CDKN2C: variants seen among roughly 807,000 people sequenced by gnomAD.
The protein encoded by CDKN2C is cyclin dependent kinase inhibitor 2C.
CDKN2C carries 5 observed loss-of-function variants against 11.0 expected under a neutral mutation model. The ratio of observed to expected loss-of-function variants is 0.45; its 90% CI spans 0.24 to 0.95. CDKN2C has a LOEUF of 0.95. Among genes scored for constraint, CDKN2C ranks in the 40% least tolerant of loss-of-function variants. CDKN2C has a pLI of 0.21. For missense variants in CDKN2C, 161 were observed against 211.9 expected (o/e 0.76, Z 1.49); for synonymous variants, 79 against 88.3 (o/e 0.89, Z 0.59).
In CDKN2C at chr1:50,964,732, C is replaced by T. The variant is rs1265255046; in HGVS notation, c.-1975-3204C>T. On this transcript the variant is annotated intron_variant, in intron 1 of 3. Transcript: ENST00000262662. ...ACCTGAAATACGGGGATTATTATCA[C>T]AGTCACTTCACAGAATTGTTGTAAA... Among the ~76,000 whole-genome samples, 3 of 152,318 alleles carry T rather than the reference C, an allele frequency of 2.0e-5. No homozygotes were observed. The East Asian group carries it at 5.8e-4, about 29-fold the overall frequency.
At position 50,974,336 on chromosome 1, in the gene CDKN2C, T is replaced by C; in HGVS notation, c.*66T>C. The C allele has an allele frequency of 3.4e-6, 5 of 1,451,770 alleles. No homozygotes were observed. The highest frequency in any genetic ancestry group is 4.6e-6 in the Non-Finnish European group (5 of 1,082,216). The allele number at this position is 1,451,770 out of a possible 1,614,324, so 89.9% of individuals were successfully genotyped here. ...TTAACTGAGTAGCTCTCCTGACTTT[T>C]AATGTCATTTGTTAAAATACAGTTC... On this transcript the variant is annotated 3_prime_UTR_variant, in exon 2 of 2. Coordinates refer to ENST00000371761, the MANE Select transcript of CDKN2C (RefSeq NM_078626.3).
intron 1 of CDKN2C, among the ~76,000 whole-genome samples, chr1:50,972,444 T>C (rs1436381717): frequency 6.6e-6 from 1 of 152,090 alleles, no homozygotes; most frequent in African/African-American, 2.4e-5. Context: ...ATTTAATGTG[T>C]GATTAGATTT....
upstream of CDKN2C, chr1:50,968,883 T>A (rs1570201622): frequency 2.9e-5 from 4 of 136,692 alleles, no homozygotes; most frequent in Admixed American, 7.2e-5. Flanking sequence ...AGGGAGGGAG[T>A]GAAGGAAAAA....
Position 50,970,431 on chromosome 1 carries a change from T to C in CDKN2C, c.63T>C (p.Leu21=). 1 of 1,613,990 alleles carries C rather than the reference T, an allele frequency of 6.2e-7. No individual in the cohort carries two copies. Among genetic ancestry groups the C allele is most frequent in the South Asian group, 1.1e-5 (1 of 91,064 alleles). Residue 21 remains leucine, a synonymous_variant, in exon 1 of 2, where the codon CTT becomes CTC. Coordinates refer to ENST00000371761, the MANE Select transcript of CDKN2C (RefSeq NM_078626.3). ...SAAARGDLEQ[L]TSLLQNNVNV... ...CTGCCAGGGGGGACCTAGAGCAACT[T>C]ACTAGTTTGTTGCAAAATAATGTAA...
At chr1:50,964,865 C>A (rs543611835) in intron 1 of CDKN2C, among the ~76,000 whole-genome samples, 3 of 152,078 alleles carry the variant, frequency 2.0e-5, no homozygotes, top group South Asian at 4.1e-4. Context: ...ACCAGCCTGA[C>A]CAACATGGTG....
chr1:50,962,767 G>A (rs1298272297), intron 1 of CDKN2C, among the ~76,000 whole-genome samples: 1 of 152,134 alleles, frequency 6.6e-6, no homozygotes, highest in Non-Finnish European at 1.5e-5. Context: ...ATTAGCTGAG[G>A]GAACTTGGAT....
intron 1 of CDKN2C, among the ~76,000 whole-genome samples, chr1:50,961,724 G>A (rs1307674198): frequency 1.3e-5 from 2 of 152,074 alleles, no homozygotes; most frequent in African/African-American, 4.8e-5. Flanking sequence ...TTAGAGACAG[G>A]GCCTCACTAT....
upstream of CDKN2C, chr1:50,968,328 C>G (rs546560240): frequency 1.3e-5 from 2 of 152,608 alleles, no homozygotes; most frequent in South Asian, 4.1e-4. Flanking sequence ...TCCGCCTTCC[C>G]GCAGCGTACG....
upstream of CDKN2C, chr1:50,968,486 C>T (rs547151694): frequency 3.3e-5 from 5 of 152,458 alleles, no homozygotes; most frequent in Non-Finnish European, 7.3e-5. Flanking sequence ...TTCGCGGGGC[C>T]GAACCCCGCT....
chr1:50,969,514 G>C (rs1238784870), upstream of CDKN2C: 1 of 152,104 alleles, frequency 6.6e-6, no homozygotes, highest in Non-Finnish European at 1.5e-5. The surrounding 1 kb of genome is among the most constrained non-coding windows in gnomAD (Gnocchi z 6.6). Flanking sequence ...GGCAGCCTCC[G>C]GAGACGCGCG....
chr1:50,964,174 G>C (rs888988011), intron 1 of CDKN2C, among the ~76,000 whole-genome samples: 3 of 152,040 alleles, frequency 2.0e-5, no homozygotes, highest in Admixed American at 6.5e-5. Flanking sequence ...AATTCTGGAG[G>C]CTCTATTTGG....
At chr1:50,966,749 A>AC (rs1023555406), upstream of CDKN2C, among the ~76,000 whole-genome samples, 2 of 152,178 alleles carry the variant, frequency 1.3e-5, no homozygotes, top group Admixed American at 1.3e-4. Context: ...AAAAAAAAAA[A>AC]AAAAACCTTT....
rs569085476 is a variant in CDKN2C, at chr1:50,974,365, C to T, written c.*95C>T. 1.3e-5 allele frequency: 17 copies of T among 1,303,196 alleles called. No individual in the cohort carries two copies. The highest frequency in any genetic ancestry group is 1.8e-5 in the Non-Finnish European group (17 of 969,164). The allele number at this position is 1,303,196 out of a possible 1,614,324, so 80.7% of individuals were successfully genotyped here. A position where few individuals can be genotyped will look rare whatever the true frequency, so the allele number is the denominator to read the frequency against. On this transcript the variant is annotated 3_prime_UTR_variant, in exon 2 of 2. Transcript: ENST00000371761. ...GTCATTTGTTAAAATACAGTTCTGTCATATGTTAAGCAGCTAAATTTTCTG... is the reference window on the plus strand; with the variant it reads ...GTCATTTGTTAAAATACAGTTCTGTTATATGTTAAGCAGCTAAATTTTCTG...
chr1:50,964,042 C>G (rs895552516), intron 1 of CDKN2C, among the ~76,000 whole-genome samples: 2 of 151,850 alleles, frequency 1.3e-5, no homozygotes, highest in Non-Finnish European at 2.9e-5. Flanking sequence ...TAGAATACTT[C>G]CAAAGACAGT....
upstream of CDKN2C, among the ~76,000 whole-genome samples, chr1:50,967,284 A>G (rs1172744465): frequency 6.6e-6 from 1 of 152,238 alleles, no homozygotes. Flanking sequence ...AAATGTTTCT[A>G]TTTGAAACGT....
intron 1 of CDKN2C, among the ~76,000 whole-genome samples, chr1:50,971,849 A>G (rs1645381659): frequency 6.6e-6 from 1 of 152,148 alleles, no homozygotes; most frequent in African/African-American, 2.4e-5. Context: ...TTTATATTAA[A>G]CATACTTATC....
intron 1 of CDKN2C, among the ~76,000 whole-genome samples, chr1:50,971,323 T>C (rs930531964): frequency 2.6e-5 from 4 of 152,258 alleles, no homozygotes; most frequent in African/African-American, 9.6e-5. Context: ...TCTGATGATA[T>C]TCTTATGAGC....
chr1:50,965,635 G>T (rs1045392974), upstream of CDKN2C, among the ~76,000 whole-genome samples: 3 of 152,024 alleles, frequency 2.0e-5, no homozygotes, highest in Non-Finnish European at 4.4e-5. Flanking sequence ...CTTGGACCTG[G>T]GAAGTCAAGG....
rs562863237 is a variant in CDKN2C, at chr1:50,962,721, A to G, written c.-1976+1918A>G. Among the ~76,000 whole-genome samples the G allele has an allele frequency of 9.8e-4, 149 of 152,344 alleles. 2 individuals are homozygous for G. In the South Asian group the frequency reaches 0.03, roughly 31 times the overall value. On this transcript the variant is annotated intron_variant, in intron 1 of 3. Coordinates refer to the CDKN2C transcript ENST00000262662. The stretch of plus-strand genomic sequence containing the variant: ...TAGAACAATGGGATGAACACACTAG[A>G]CATTCAGGCATATATTAGTACTGCT...
Sources: allele counts gnomAD v4.1 joint callset (sites outside exome capture counted in the v4.1 genomes callset), GRCh38; gene constraint gnomAD v4.1.1; non-coding constraint Gnocchi (gnomAD v3.1); transcripts MANE v1.5; gene names NCBI Gene and HGNC (gene_info 2026-07-23, HGNC 2026-07-21).